Variants in POLR1E observed in about 807,000 individuals in gnomAD.
POLR1E encodes the protein DNA-directed RNA polymerase I subunit RPA49.
Under a neutral mutation model 50.9 loss-of-function variants are expected in POLR1E, and 37 were observed. That is an observed-to-expected ratio of 0.73 (90% CI 0.56 to 0.96). The LOEUF (loss-of-function observed/expected upper bound fraction) is 0.96, where lower values mean the gene tolerates loss of function less well. Ranked by LOEUF, POLR1E falls within the 40% of genes least tolerant of loss-of-function variation. The pLI, the probability that POLR1E is intolerant of heterozygous loss-of-function variation, is 0.00. For synonymous variants in POLR1E, 166 were observed against 191.6 expected (o/e 0.87, Z 1.10); for missense variants, 426 against 518.1 (o/e 0.82, Z 1.73).
In POLR1E at chr9:37,492,671, A is replaced by G; in HGVS notation, c.358A>G (p.Ser120Gly). 1 of 1,614,016 alleles carries G rather than the reference A, an allele frequency of 6.2e-7. No individual in the cohort carries two copies. Among genetic ancestry groups the G allele is most frequent in the Non-Finnish European group, 8.5e-7 (1 of 1,179,916 alleles). Residue 120 changes from serine (S) to glycine (G), a missense_variant, in exon 5 of 12, where the codon AGT becomes GGT. Transcript: ENST00000377798. ...QPLFSDVSVE[S>G]ELALESQTKT... ...TGTTTTGATAGATGTATCAGTTGAG[A>G]GTGAACTGGCGCTAGAGAGTCAGAC...
At chr9:37,497,822 T>A (rs370297824) in intron 8 of POLR1E, among the ~76,000 whole-genome samples, 8 of 152,248 alleles carry the variant, frequency 5.3e-5, no homozygotes, top group African/African-American at 1.9e-4. Flanking sequence ...TGGAGTACAG[T>A]GGCGCAGACA....
At chr9:37,502,829 T>C (rs1564326900) in intron 11 of POLR1E, among the ~76,000 whole-genome samples, 1 of 152,220 alleles carries the variant, frequency 6.6e-6, no homozygotes, top group African/African-American at 2.4e-5. Context: ...TATGGATCTT[T>C]TGAAGGGCAT....
At chr9:37,489,486 C>A in intron 4 of POLR1E, 86 bp downstream of exon 4, 1 of 862,590 alleles carries the variant, frequency 1.2e-6, no homozygotes, top group Non-Finnish European at 1.8e-6. Flanking sequence ...ATTTATAAAA[C>A]ACATTTTATA....
chr9:37,500,212 TCTCA>T (rs1820859134), intron 9 of POLR1E, among the ~76,000 whole-genome samples: 1 of 151,084 alleles, frequency 6.6e-6, no homozygotes, highest in Non-Finnish European at 1.5e-5. Flanking sequence ...TGAGATGGAG[TCTCA>T]CTCTATTGCC....
intron 2 of POLR1E, among the ~76,000 whole-genome samples, chr9:37,487,468 ATGATTGGGGAG>A (rs1820600428): frequency 6.6e-6 from 1 of 152,228 alleles, no homozygotes; most frequent in African/African-American, 2.4e-5. Context: ...AAGCTTGCTT[ATGATTGGGGAG>A]TGAATCAGCC....
intron 8 of POLR1E, 65 bp from the exon 9 acceptor site, chr9:37,498,026 G>A: frequency 6.4e-7 from 1 of 1,552,772 alleles, no homozygotes. Context: ...TTGTAAGAGG[G>A]AAGTAGTTCC....
intron 6 of POLR1E, 80 bp from the exon 7 acceptor site, chr9:37,495,089 C>T (rs2119009087): frequency 8.3e-7 from 1 of 1,211,690 alleles, no homozygotes; most frequent in East Asian, 2.3e-5. Context: ...CATTGGTGGT[C>T]TGAAGTGCAC....
chr9:37,485,955 G>A lies in POLR1E; in HGVS notation c.-93G>A, dbSNP rs1259752306. On this transcript the variant is annotated 5_prime_UTR_variant, in exon 1 of 12. Transcript: ENST00000377798. ...TGCCCGGCGGGGCCACGCCTTTTCC[G>A]GCCCGCAGCGCGGCCTGGGCTCCCG... is the stretch of plus-strand genomic sequence containing the variant. 1.9e-5 allele frequency: 28 copies of A among 1,496,516 alleles called. No individual in the cohort carries two copies. The highest frequency in any genetic ancestry group is 2.5e-5 in the Non-Finnish European group (28 of 1,100,860). 92.7% of individuals were successfully genotyped at this position (1,496,516 alleles called of 1,614,324 possible).
rs866970960 is a variant in POLR1E at position 37,501,808 on chromosome 9, C to T, written c.1064C>T (p.Thr355Ile). Reference sequence around the variant, plus strand: ...ATACATGACTTCCAAATTGACCTGACAGTGTTACAGAGGGACTTGAAGCTC... The same window carrying T: ...ATACATGACTTCCAAATTGACCTGATAGTGTTACAGAGGGACTTGAAGCTC... ...LHIHDFQIDL[T>I]VLQRDLKLSE... Residue 355 changes from threonine to isoleucine, a missense_variant, in exon 11 of 12, where the codon ACA becomes ATA. Transcript: ENST00000377798. 1 of 1,613,882 alleles carries T rather than the reference C, an allele frequency of 6.2e-7. No individual in the cohort carries two copies. Among genetic ancestry groups the T allele is most frequent in the East Asian group, 2.2e-5 (1 of 44,892 alleles).
chr9:37,489,068 T>C (rs573141283), intron 3 of POLR1E, among the ~76,000 whole-genome samples: 3 of 152,080 alleles, frequency 2.0e-5, no homozygotes, highest in Admixed American at 2.0e-4. Context: ...GTGAAACCCA[T>C]CTTTATTAAA....
rs187071738 is a variant in POLR1E at position 37,495,781 on chromosome 9, T to G, written c.656-109T>G. 1.3e-3 allele frequency: 986 copies of G among 770,040 alleles called. 4 individuals are homozygous for G. The highest frequency in any genetic ancestry group is 8.5e-3 in the Middle Eastern group (36 of 4,234). 47.7% of individuals were successfully genotyped at this position (770,040 alleles called of 1,614,324 possible). On this transcript the variant is annotated intron_variant, in intron 7 of 11. Coordinates refer to ENST00000377798, the MANE Select transcript of POLR1E (RefSeq NM_022490.4). ...CTATGTGATCTGCCCTGTGTGATCTTTGGCTCTCTGAGCCTGTTTCCCTGT... is the reference window on the plus strand; with the variant it reads ...CTATGTGATCTGCCCTGTGTGATCTGTGGCTCTCTGAGCCTGTTTCCCTGT...
chr9:37,495,568 A>G (rs532121950), intron 7 of POLR1E, among the ~76,000 whole-genome samples: 1 of 152,284 alleles, frequency 6.6e-6, no homozygotes, highest in African/African-American at 2.4e-5. Flanking sequence ...GAACCAGCCA[A>G]ATGCCCAAAG....
chr9:37,500,957 G>C (rs1274033288), intron 10 of POLR1E, 36 bp downstream of exon 10: 1 of 1,557,878 alleles, frequency 6.4e-7, no homozygotes, highest in Non-Finnish European at 8.8e-7. Context: ...TCTTGTGCAG[G>C]AGAAAGTAGG....
intron 9 of POLR1E, among the ~76,000 whole-genome samples, chr9:37,500,613 T>C (rs7848968): frequency 0.28 from 42,469 of 152,160 alleles, 6,521 homozygotes; most frequent in African/African-American, 0.4. Context: ...TTTCTTGTCA[T>C]TGCCCCATCA....
chr9:37,496,623 CTTTTTT>C (rs376455174), intron 8 of POLR1E, among the ~76,000 whole-genome samples: 25 of 112,504 alleles, frequency 2.2e-4, no homozygotes, highest in Non-Finnish European at 2.6e-4. Flanking sequence ...ATTATTATTT[CTTTTTT>C]TTTTTTTTTT....
chr9:37,486,806 G>C lies in POLR1E; in HGVS notation c.180G>C (p.Leu60=). The change falls in exon 2 of 12, where the codon CTG becomes CTC. Residue 60 remains leucine, a splice_region_variant and synonymous_variant. Transcript: ENST00000377798. ...CCAGGAAGAGGAATCAACGGATCCT[G>C]GTAAGTGAAGCAGTTGCCAGCTGTC... The part of the protein sequence containing the change: ...TNPRKRNQRI[L]AAETDRLSYV... 1 of 1,606,812 alleles carries C rather than the reference G, an allele frequency of 6.2e-7. No homozygotes were observed.
At position 37,500,883 on chromosome 9, in the gene POLR1E, G is replaced by C. The variant is rs1302945657; in HGVS notation, c.930G>C (p.Leu310=). 6.2e-7 allele frequency: 1 copy of C among 1,613,962 alleles called. No homozygotes were observed. Among genetic ancestry groups the C allele is most frequent in the Non-Finnish European group, 8.5e-7 (1 of 1,179,934 alleles). ...PGVPHIINTK[L]LKHFTCLTYN... ...TTCCCCACATCATCAACACCAAACT[G>C]CTGAAGCACTTTACTTGCTTGACCT... Residue 310 remains leucine, a synonymous_variant, in exon 10 of 12, where the codon CTG becomes CTC. Coordinates refer to ENST00000377798, the MANE Select transcript of POLR1E (RefSeq NM_022490.4).
chr9:37,503,289 A>G lies in POLR1E; in HGVS notation c.*87A>G, dbSNP rs1489539845. On this transcript the variant is annotated 3_prime_UTR_variant, in exon 12 of 12. Transcript: ENST00000377798. ...TTCCATTTTTATGTATGTTTTGAAA[A>G]GAAAAGGTCCGGGGATGGTGGCTCA... is the stretch of plus-strand genomic sequence containing the variant. 4.1e-6 allele frequency: 6 copies of G among 1,468,528 alleles called. 1 individual carries two copies. The highest frequency in any genetic ancestry group is 1.4e-5 in the South Asian group (1 of 71,626). 91.0% of individuals were successfully genotyped at this position (1,468,528 alleles called of 1,614,324 possible).
chr9:37,492,259 C>T, intron 4 of POLR1E: 2 of 1,289,784 alleles, frequency 1.6e-6, no homozygotes, highest in Non-Finnish European at 2.0e-6. Flanking sequence ...TACCACATAC[C>T]TCATGTTTAT....
Sources: allele counts gnomAD v4.1 joint callset (sites outside exome capture counted in the v4.1 genomes callset), GRCh38; gene constraint gnomAD v4.1.1; transcripts MANE v1.5; gene names NCBI Gene and HGNC (gene_info 2026-07-23, HGNC 2026-07-21).